The following SRGAP2 variants were observed in gnomAD, a reference collection of about 807,000 sequenced individuals.
SRGAP2 encodes the protein SLIT-ROBO Rho GTPase-activating protein 2.
A neutral mutation model predicts 57.2 loss-of-function variants in SRGAP2; 15 were observed. The observed-to-expected ratio is 0.26, with a 90% confidence interval of 0.18 to 0.40. The LOEUF (loss-of-function observed/expected upper bound fraction) is 0.40. Among genes scored for constraint, SRGAP2 ranks in the 10% least tolerant of loss-of-function variants. The probability of loss-of-function intolerance (pLI) is 1.00; values close to 1 mark genes in which losing one functional copy is unlikely to be tolerated. For synonymous variants in SRGAP2, 249 were observed against 248.0 expected (o/e 1.00, Z -0.04); for missense variants, 520 against 669.6 (o/e 0.78, Z 2.47).
chr1:206,434,133 G>A (rs1002084219), intron 14 of SRGAP2, among the ~76,000 whole-genome samples: 8 of 152,086 alleles, frequency 5.3e-5, no homozygotes, highest in Non-Finnish European at 1.0e-4. Flanking sequence ...TGAATGCTGG[G>A]GATTTTCACA....
intron 3 of SRGAP2, among the ~76,000 whole-genome samples, chr1:206,325,414 G>T (rs549279826): frequency 1.5e-3 from 234 of 151,440 alleles, no homozygotes; most frequent in African/African-American, 5.2e-3. Context: ...CGCCATCTTG[G>T]CTCACTGCAA....
chr1:206,347,305 C>T (rs1381088017), intron 4 of SRGAP2, among the ~76,000 whole-genome samples: 4 of 151,086 alleles, frequency 2.6e-5, no homozygotes, highest in South Asian at 2.1e-4. Flanking sequence ...GGGCTGAGAG[C>T]GGTGGCTCAC....
chr1:206,450,352 G>C, intron 18 of SRGAP2, 34 bp from the exon 19 acceptor site: 1 of 779,588 alleles, frequency 1.3e-6, no homozygotes, highest in Non-Finnish European at 2.4e-6. Context: ...ATGAGCACAT[G>C]TTAATGTCCC....
At chr1:206,445,280 T>C (rs1662658240) in intron 17 of SRGAP2, among the ~76,000 whole-genome samples, 1 of 152,186 alleles carries the variant, frequency 6.6e-6, no homozygotes, top group South Asian at 2.1e-4. Context: ...TTGAAGGCCT[T>C]GGGTCCTTGG....
chr1:206,272,732 T>C (rs1332795470), intron 2 of SRGAP2, among the ~76,000 whole-genome samples: 1 of 152,152 alleles, frequency 6.6e-6, no homozygotes, highest in African/African-American at 2.4e-5. Flanking sequence ...TTAGTCTAAG[T>C]GTGCACATTA....
At chr1:206,359,793 T>C (rs1553340237) in intron 4 of SRGAP2, among the ~76,000 whole-genome samples, 1 of 141,972 alleles carries the variant, frequency 7.0e-6, no homozygotes, top group African/African-American at 2.7e-5. Context: ...ACAAGGGATA[T>C]TGCTCTTTTT....
chr1:206,266,724 GTCT>G (rs2102642096), intron 2 of SRGAP2, among the ~76,000 whole-genome samples: 1 of 150,188 alleles, frequency 6.7e-6, no homozygotes, highest in East Asian at 2.0e-4. Flanking sequence ...TTCATTGGAG[GTCT>G]TCTTCTGGAT....
At chr1:206,457,123 C>T (rs1218457152) in intron 21 of SRGAP2, among the ~76,000 whole-genome samples, 3 of 152,102 alleles carry the variant, frequency 2.0e-5, no homozygotes, top group Admixed American at 2.0e-4. Context: ...AGGGCCTAGC[C>T]TGGGACATGG....
chr1:206,334,917 T>C (rs1674661959), intron 3 of SRGAP2, among the ~76,000 whole-genome samples: 1 of 150,794 alleles, frequency 6.6e-6, no homozygotes, highest in Admixed American at 6.6e-5. Context: ...GACATCTTAA[T>C]TAACTAGAGA....
chr1:206,369,624 A>G (rs1553342244), intron 4 of SRGAP2, among the ~76,000 whole-genome samples: 1 of 152,252 alleles, frequency 6.6e-6, no homozygotes, highest in Admixed American at 6.5e-5. Context: ...CAGAAGTTAC[A>G]CAAATGGCCA....
chr1:206,346,457 TA>T (rs1209965760), intron 4 of SRGAP2, among the ~76,000 whole-genome samples: 1 of 152,184 alleles, frequency 6.6e-6, no homozygotes, highest in Non-Finnish European at 1.5e-5. Context: ...CAAAAGTGGA[TA>T]TAGGTGTGGA....
chr1:206,290,752 G>A (rs1671273784), intron 2 of SRGAP2, among the ~76,000 whole-genome samples: 1 of 151,398 alleles, frequency 6.6e-6, no homozygotes, highest in African/African-American at 2.4e-5. Flanking sequence ...AAAACTCTGT[G>A]AGGTAGATAC....
At chr1:206,214,295 A>G (rs1479787760) in intron 2 of SRGAP2, among the ~76,000 whole-genome samples, 2 of 152,092 alleles carry the variant, frequency 1.3e-5, no homozygotes, top group African/African-American at 4.8e-5. Context: ...CCACTTACTA[A>G]GCATTATGCT....
At chr1:206,424,175 C>T (rs1219191081) in intron 13 of SRGAP2, among the ~76,000 whole-genome samples, 15 of 152,136 alleles carry the variant, frequency 9.9e-5, no homozygotes, top group Admixed American at 7.9e-4. Flanking sequence ...TCTCCCTCTA[C>T]TTTTGGTTTA....
chr1:206,430,102 C>G, intron 13 of SRGAP2, 60 bp from the exon 14 acceptor site: 1 of 778,724 alleles, frequency 1.3e-6, no homozygotes. Context: ...CCCGTTTTCT[C>G]TGACCCTGGG....
chr1:206,450,306 C>T, intron 18 of SRGAP2, 80 bp from the exon 19 acceptor site: 1 of 739,742 alleles, frequency 1.4e-6, no homozygotes, highest in South Asian at 1.4e-5. Context: ...TGCCCTCGCG[C>T]CAGGGAGGCT....
chr1:206,306,303 G>A (rs1328338150), intron 3 of SRGAP2, among the ~76,000 whole-genome samples: 4 of 151,954 alleles, frequency 2.6e-5, no homozygotes, highest in Non-Finnish European at 5.9e-5. Context: ...TGGTGGGTTC[G>A]TGGTCTCGCT....
Position 206,453,386 on chromosome 1 carries a change from T to C in SRGAP2, c.2360+6T>C. On this transcript the variant is annotated splice_donor_region_variant and intron_variant, in intron 20 of 22. Transcript: ENST00000573034. ...TACATCGTGGTCCAAGACACGTACG[T>C]TGGGCCCATGGCATCTTTGGGGGTG... 1 of 658,118 alleles carries C rather than the reference T, an allele frequency of 1.5e-6. No individual in the cohort carries two copies. Among genetic ancestry groups the C allele is most frequent in the East Asian group, 2.8e-5 (1 of 35,912 alleles). 40.8% of individuals were successfully genotyped at this position (658,118 alleles called of 1,614,324 possible).
At chr1:206,408,015 TA>T (rs1658844409) in intron 10 of SRGAP2, 1 of 151,226 alleles carries the variant, frequency 6.6e-6, no homozygotes, top group Non-Finnish European at 1.5e-5. Flanking sequence ...CAATAAATGC[TA>T]AAAATTTATC....
Sources: allele counts gnomAD v4.1 joint callset (sites outside exome capture counted in the v4.1 genomes callset), GRCh38; gene constraint gnomAD v4.1.1; transcripts MANE v1.5; gene names NCBI Gene and HGNC (gene_info 2026-07-23, HGNC 2026-07-21).